Variants in TTN observed in about 807,000 individuals in gnomAD.
The protein encoded by TTN is titin, also known as connectin.
In TTN, 1,525 loss-of-function variants were observed where a neutral mutation model predicts 3,223.0. That is an observed-to-expected ratio of 0.47 (90% confidence interval 0.45 to 0.49). TTN has a LOEUF of 0.49. Among genes scored for constraint, TTN ranks in the 20% least tolerant of loss-of-function variants. TTN has a pLI of 0.00. For missense variants in TTN, 40,786 were observed against 43,424.0 expected, an observed-to-expected ratio of 0.94 and a Z score of 5.40; for synonymous variants, 14,094 against 15,161.0, an observed-to-expected ratio of 0.93 and a Z score of 5.17.
intron 121 of TTN, 99 bp downstream of exon 121, chr2:178,691,917 A>T: frequency 1.1e-6 from 1 of 934,236 alleles, no homozygotes; most frequent in Non-Finnish European, 1.6e-6. Flanking sequence ...AATGTAAAAG[A>T]GACAAAAGAC....
intron 9 of TTN, 29 bp from the exon 10 acceptor site, chr2:178,792,226 T>C (rs535261515): frequency 6.3e-7 from 1 of 1,589,256 alleles, no homozygotes; most frequent in African/African-American, 1.4e-5. Context: ...GAAAAAACTT[T>C]ATTTCCTGAT....
At chr2:178,705,049 T>G (rs1273825096) in intron 103 of TTN, 83 bp from the exon 104 acceptor site, 7 of 1,579,966 alleles carry the variant, frequency 4.4e-6, no homozygotes, top group Non-Finnish European at 6.0e-6. Context: ...GCTTCCATTC[T>G]GGATGCTGGT....
chr2:178,652,637 A>T lies in TTN; in HGVS notation c.39043+16T>A. The T allele has an allele frequency of 6.2e-7, 1 of 1,612,968 alleles. No homozygotes were observed. The highest frequency in any genetic ancestry group is 8.5e-7 in the Non-Finnish European group (1 of 1,179,488). ...AAGAGATAGATCTTCTGACGCTTAA[A>T]CTCAATGACAAATACCTTTAACAGG... On this transcript the variant is annotated intron_variant, in intron 201 of 362. Coordinates refer to ENST00000589042, the MANE Select transcript of TTN (RefSeq NM_001267550.2).
rs761184333 is a variant in TTN, at chr2:178,561,857, A to C, written c.84275T>G (p.Val28092Gly). ...TGTAGAGGTGGTTTCTTTCTTTTCA[A>C]CAATGTAATTGCTAATTTGGCAGCC... is the stretch of plus-strand genomic sequence containing the variant. ...DGGCQISNYI[V>G]EKKETTSTTW... Residue 28092 changes from valine (V) to glycine (G), a missense_variant, in exon 326 of 363, where the codon GTT becomes GGT. Transcript: ENST00000589042. 5 of 1,613,566 alleles carry C rather than the reference A, an allele frequency of 3.1e-6. No individual in the cohort carries two copies. Among genetic ancestry groups the C allele is most frequent in the Non-Finnish European group, 3.4e-6 (4 of 1,179,766 alleles).
Position 178,605,429 on chromosome 2 carries a change from T to C in TTN, c.53866A>G (p.Ile17956Val). 6.2e-7 allele frequency: 1 copy of C among 1,600,220 alleles called. No individual in the cohort carries two copies. Among genetic ancestry groups the C allele is most frequent in the Non-Finnish European group, 8.5e-7 (1 of 1,172,134 alleles). Residue 17956 changes from isoleucine to valine, a missense_variant, in exon 279 of 363, where the codon ATA (isoleucine) becomes GTA (valine). Coordinates refer to ENST00000589042, the MANE Select transcript of TTN (RefSeq NM_001267550.2). Reference protein sequence around the residue: ...SEPSLPLNVVIQDDEVPPTIK... With the variant: ...SEPSLPLNVVVQDDEVPPTIK... ...GATTCCGCACCTTCATCATCTTGTA[T>C]GACTACATTAAGAGGTAGGGATGGT...
At chr2:178,715,857 G>A (rs2077405199) in intron 88 of TTN, 83 bp from the exon 89 acceptor site, 7 of 1,365,402 alleles carry the variant, frequency 5.1e-6, no homozygotes, top group South Asian at 1.5e-5. Flanking sequence ...AATAATCTTT[G>A]CTAGAGAGGT....
Position 178,530,289 on chromosome 2 carries a change from C to T in TTN, c.106326G>A (p.Lys35442=), listed in dbSNP as rs1279473300. 1.9e-6 allele frequency: 3 copies of T among 1,613,070 alleles called. No homozygotes were observed. The African/African-American group carries it at 4.0e-5, about 22-fold the overall frequency. The part of the protein sequence containing the change: ...SSDSVAKFAV[K]ATGEPRPTAI... ...CAGTTGGCCGGGGTTCTCCAGTAGCCTTAACTGCAAATTTAGCAACACTGT... is the reference window on the plus strand; with the variant it reads ...CAGTTGGCCGGGGTTCTCCAGTAGCTTTAACTGCAAATTTAGCAACACTGT... The change falls in exon 358 of 363, where the codon AAG becomes AAA. Residue 35442 remains lysine, a synonymous_variant. Coordinates refer to ENST00000589042, the MANE Select transcript of TTN (RefSeq NM_001267550.2).
intron 102 of TTN, among the ~76,000 whole-genome samples, chr2:178,705,733 G>A (rs189964342): frequency 6.7e-4 from 102 of 152,202 alleles, no homozygotes; most frequent in African/African-American, 2.3e-3. Flanking sequence ...TCACGGAAAC[G>A]ATGTGTGGAA....
rs753006017 is a variant in TTN, at chr2:178,722,980, T to C, written c.21962-43A>G. The C allele has an allele frequency of 8.1e-6, 13 of 1,595,630 alleles. No homozygotes were observed. In the South Asian group the frequency reaches 1.4e-4, roughly 17 times the overall value. Reference sequence around the variant, plus strand: ...ACAGTTAGCAACTGGAATTAATGAATATCAAAGAAACTATGCTACATGTTA... The same window carrying C: ...ACAGTTAGCAACTGGAATTAATGAACATCAAAGAAACTATGCTACATGTTA... On this transcript the variant is annotated intron_variant, in intron 75 of 362. Coordinates refer to ENST00000589042, the MANE Select transcript of TTN (RefSeq NM_001267550.2).
At position 178,552,496 on chromosome 2, in the gene TTN, T is replaced by G; in HGVS notation, c.90404A>C (p.Asp30135Ala). The part of the protein sequence containing the change: ...LIITPEVDLS[D>A]IPGAQVTVRI... ...CACAGTGACTTGTGCCCCAGGGATA[T>G]CTGACAGGTCAACTTCAGGTGTAAT... The change falls in exon 335 of 363, where the codon GAT (aspartate) becomes GCT (alanine). Residue 30135 changes from aspartate (D) to alanine (A), a missense_variant. By Grantham distance (126) the Asp-to-Ala change is moderately radical (BLOSUM62 -2). Transcript: ENST00000589042. The G allele has an allele frequency of 1.2e-6, 2 of 1,613,114 alleles. No homozygotes were observed. Among genetic ancestry groups the G allele is most frequent in the Non-Finnish European group, 1.7e-6 (2 of 1,179,254 alleles).
rs1705177542 is a variant in TTN, at chr2:178,565,043, G to A, written c.81089C>T (p.Thr27030Ile). The A allele has an allele frequency of 1.9e-6, 3 of 1,613,492 alleles. No individual in the cohort carries two copies. The highest frequency in any genetic ancestry group is 1.7e-5 in the Admixed American group (1 of 59,964). The change falls in exon 326 of 363, where the codon ACA becomes ATA. Residue 27030 changes from threonine (T) to isoleucine (I), a missense_variant. Thr to Ile is a moderately conservative substitution (Grantham distance 89). Coordinates refer to ENST00000589042, the MANE Select transcript of TTN (RefSeq NM_001267550.2). Reference sequence around the variant, plus strand: ...TTTCAGTTTGGTTATTTTAATTGTTGTTCTTGCAACTGTTGCTGATACCAT... The same window carrying A: ...TTTCAGTTTGGTTATTTTAATTGTTATTCTTGCAACTGTTGCTGATACCAT... ...WHMVSATVAR[T>I]TIKITKLKTG... is the part of the protein sequence containing the mutation.
Position 178,594,584 on chromosome 2 carries a change from T to G in TTN, c.57910A>C (p.Thr19304Pro). ...CCATCATACTTAGGAGGATTCCAAG[T>G]CAAAGTTACAGTATTTTTAGTAACT... The part of the protein sequence containing the change: ...KEVTKNTVTL[T>P]WNPPKYDGGS... Residue 19304 changes from threonine (T) to proline (P), a missense_variant, in exon 296 of 363, where the codon ACT becomes CCT. Transcript: ENST00000589042. 5 of 1,613,024 alleles carry G rather than the reference T, an allele frequency of 3.1e-6. No individual in the cohort carries two copies. Among genetic ancestry groups the G allele is most frequent in the Non-Finnish European group, 4.2e-6 (5 of 1,179,352 alleles).
In TTN at chr2:178,653,487, T is replaced by A; in HGVS notation, c.38647A>T (p.Ile12883Phe). The A allele has an allele frequency of 1.3e-6, 2 of 1,545,710 alleles. No individual in the cohort carries two copies. The highest frequency in any genetic ancestry group is 1.4e-5 in the African/African-American group (1 of 72,960). ...PATVPEVPQE[I>F]VPEKKTLVLP... Reference sequence around the variant, plus strand: ...ACCAGTGTTTTCTTTTCTGGCACAATTTCTTGTGGGACTTCAGGCACTTGA... The same window carrying A: ...ACCAGTGTTTTCTTTTCTGGCACAAATTCTTGTGGGACTTCAGGCACTTGA... Residue 12883 changes from isoleucine (I) to phenylalanine (F), a missense_variant, in exon 197 of 363, where the codon ATT becomes TTT. Physicochemically the swap from Ile to Phe is conservative, Grantham distance 21. Coordinates refer to ENST00000589042, the MANE Select transcript of TTN (RefSeq NM_001267550.2).
intron 210 of TTN, 47 bp downstream of exon 210, chr2:178,650,117 A>G (rs768739227): frequency 6.6e-7 from 1 of 1,508,206 alleles, no homozygotes; most frequent in South Asian, 1.3e-5. Context: ...ATAGACATGA[A>G]AAATGAAATG....
In TTN at chr2:178,640,635, A is replaced by C. The variant is rs904821775; in HGVS notation, c.40634-5T>G. 1.3e-6 allele frequency: 2 copies of C among 1,565,414 alleles called. No individual in the cohort carries two copies. Among genetic ancestry groups the C allele is most frequent in the Non-Finnish European group, 1.7e-6 (2 of 1,161,714 alleles). ...TTGGAGGTGGTGGTTCTGGTACTTT[A>C]AGATAAGATTATTTTTTCAGTGTTA... On this transcript the variant is annotated splice_polypyrimidine_tract_variant and splice_region_variant and intron_variant, in intron 220 of 362. Coordinates refer to ENST00000589042, the MANE Select transcript of TTN (RefSeq NM_001267550.2).
In TTN at chr2:178,579,841, A is replaced by G; in HGVS notation, c.67356T>C (p.Pro22452=). The G allele has an allele frequency of 6.2e-7, 1 of 1,612,866 alleles. No individual in the cohort carries two copies. The highest frequency in any genetic ancestry group is 8.5e-7 in the Non-Finnish European group (1 of 1,179,382). ...TCACTTTCAGGTCCACAACTGGTCCAGGAGTTTCTAAAGCAAAGGAGAAAT... is the reference window on the plus strand; with the variant it reads ...TCACTTTCAGGTCCACAACTGGTCCGGGAGTTTCTAAAGCAAAGGAGAAAT... The part of the protein sequence containing the change: ...TRDAVKASQT[P]GPVVDLKVRS... The change falls in exon 319 of 363, where the codon CCT becomes CCC. Residue 22452 remains proline (P), a synonymous_variant. Coordinates refer to ENST00000589042, the MANE Select transcript of TTN (RefSeq NM_001267550.2).
At chr2:178,540,047 G>A (rs757876727) in intron 351 of TTN, 21 bp downstream of exon 351, 1 of 1,594,806 alleles carries the variant, frequency 6.3e-7, no homozygotes. Context: ...ATTGCAGAAA[G>A]CAAATGATCA....
chr2:178,602,200 G>A, intron 283 of TTN, 50 bp from the exon 284 acceptor site: 1 of 1,593,126 alleles, frequency 6.3e-7, no homozygotes, highest in Non-Finnish European at 8.5e-7. Flanking sequence ...TTTGTCAAAA[G>A]TAATTGAAAT....
intron 47 of TTN, chr2:178,745,622 C>T (rs779419494): frequency 1.9e-6 from 3 of 1,612,796 alleles, no homozygotes; most frequent in East Asian, 2.2e-5. Flanking sequence ...CTCAGCCATT[C>T]CTGATTTGTT....
Sources: allele counts gnomAD v4.1 joint callset (sites outside exome capture counted in the v4.1 genomes callset), GRCh38; gene constraint gnomAD v4.1.1; transcripts MANE v1.5; gene names NCBI Gene and HGNC (gene_info 2026-07-23, HGNC 2026-07-21).